ABCC8: variants seen among roughly 807,000 people sequenced by gnomAD.
ABCC8 encodes ATP binding cassette subfamily C member 8, also known as ATP-binding cassette sub-family C member 8.
ABCC8 carries 137 observed loss-of-function variants against 188.0 expected under a neutral mutation model. The observed-to-expected ratio is 0.73, with a 90% confidence interval of 0.63 to 0.84. The LOEUF is 0.84. ABCC8 is among the 40% of genes least tolerant of loss of function. The pLI, the probability that ABCC8 is intolerant of heterozygous loss-of-function variation, is 0.00. For missense variants in ABCC8, 1,750 were observed against 2,072.7 expected, an observed-to-expected ratio of 0.84 and a Z score of 3.02; for synonymous variants, 797 against 846.5, an observed-to-expected ratio of 0.94 and a Z score of 1.01.
chr11:17,417,957 A>G (rs1193835610), intron 16 of ABCC8, among the ~76,000 whole-genome samples: 1 of 150,508 alleles, frequency 6.6e-6, no homozygotes, highest in African/African-American at 2.5e-5. Flanking sequence ...CTCATTCCCT[A>G]TGTTGCCCAG....
At chr11:17,434,679 TA>T (rs1177266536) in intron 10 of ABCC8, among the ~76,000 whole-genome samples, 1 of 152,230 alleles carries the variant, frequency 6.6e-6, no homozygotes, top group Non-Finnish European at 1.5e-5. Flanking sequence ...ATGGTTTTTT[TA>T]ATTTAATTTT....
chr11:17,410,225 T>G, intron 22 of ABCC8: 1 of 399,700 alleles, frequency 2.5e-6, no homozygotes. Context: ...AATCAGAAGG[T>G]GAGAAGTGAG....
intron 3 of ABCC8, 107 bp downstream of exon 3, chr11:17,469,994 C>G: frequency 6.9e-7 from 1 of 1,442,922 alleles, no homozygotes; most frequent in Non-Finnish European, 9.7e-7. Flanking sequence ...TTTTCTATTC[C>G]AAATCTCTAC....
intron 2 of ABCC8, among the ~76,000 whole-genome samples, chr11:17,473,773 C>T (rs1386154981): frequency 1.3e-5 from 2 of 152,212 alleles, no homozygotes; most frequent in African/African-American, 2.4e-5. Context: ...TCTAGATTCT[C>T]CCTGCCTCCA....
chr11:17,419,869 C>T (rs2133499525), intron 16 of ABCC8, among the ~76,000 whole-genome samples: 1 of 152,318 alleles, frequency 6.6e-6, no homozygotes, highest in Non-Finnish European at 1.5e-5. Context: ...GCTGTGAAAT[C>T]TGAGGCAAGC....
chr11:17,411,094 G>A (rs147176869), intron 21 of ABCC8, among the ~76,000 whole-genome samples: 15 of 152,294 alleles, frequency 9.8e-5, no homozygotes, highest in Non-Finnish European at 7.3e-5. Flanking sequence ...TCTGCCTTTT[G>A]TCTGCCTTGT....
chr11:17,476,236 A>G (rs1208685559), intron 1 of ABCC8, among the ~76,000 whole-genome samples: 2 of 152,206 alleles, frequency 1.3e-5, no homozygotes, highest in Non-Finnish European at 2.9e-5. Context: ...GCTGACAGGG[A>G]GGCTGCCTTG....
chr11:17,408,618 T>C (rs1954653771), intron 22 of ABCC8, 101 bp from the exon 23 acceptor site: 1 of 1,508,824 alleles, frequency 6.6e-7, no homozygotes, highest in East Asian at 2.3e-5. Flanking sequence ...ACACATCCCT[T>C]TCCTCACTAC....
At chr11:17,456,039 G>A (rs989058890) in intron 6 of ABCC8, among the ~76,000 whole-genome samples, 29 of 151,870 alleles carry the variant, frequency 1.9e-4, no homozygotes, top group African/African-American at 6.8e-4. Flanking sequence ...CCGAGAAGAG[G>A]GTCCTAGGAA....
chr11:17,414,334 C>A (rs1401350537), intron 19 of ABCC8, among the ~76,000 whole-genome samples, 178 bp downstream of exon 19: 1 of 152,174 alleles, frequency 6.6e-6, no homozygotes, highest in African/African-American at 2.4e-5. Context: ...TGCCCCAATG[C>A]TCAGGCACAC....
intron 2 of ABCC8, among the ~76,000 whole-genome samples, chr11:17,474,505 C>G (rs1054421057): frequency 2.0e-5 from 3 of 150,350 alleles, no homozygotes; most frequent in African/African-American, 7.3e-5. Context: ...AGCTGAGAAC[C>G]AAGGAAAGGT....
At chr11:17,417,161 T>A (rs1564909443) in intron 16 of ABCC8, 199 bp from the exon 17 acceptor site, 9 of 747,606 alleles carry the variant, frequency 1.2e-5, no homozygotes, top group Non-Finnish European at 1.5e-5. Context: ...ATGGGTACCC[T>A]CCAAATAGCA....
In ABCC8 at chr11:17,428,284, C is replaced by T. The variant is rs1376638095; in HGVS notation, c.2040+5G>A. 6.2e-7 allele frequency: 1 copy of T among 1,614,010 alleles called. No homozygotes were observed. The highest frequency in any genetic ancestry group is 1.3e-5 in the African/African-American group (1 of 74,940). The stretch of plus-strand genomic sequence containing the variant: ...GGTGGCCAGGCATGGGGCAGCAGGA[C>T]TCACCTGGACACAGCAGTTGTCAGC... On this transcript the variant is annotated splice_donor_5th_base_variant and intron_variant, in intron 14 of 38. Coordinates refer to ENST00000389817, the MANE Select transcript of ABCC8 (RefSeq NM_000352.6).
intron 1 of ABCC8, among the ~76,000 whole-genome samples, chr11:17,476,289 G>A (rs1457203203): frequency 6.6e-6 from 1 of 152,230 alleles, no homozygotes; most frequent in Non-Finnish European, 1.5e-5. Flanking sequence ...CACGGAGGGT[G>A]AGGCCCGACC....
intron 6 of ABCC8, among the ~76,000 whole-genome samples, chr11:17,453,767 C>T (rs577815077): frequency 6.6e-6 from 1 of 152,224 alleles, no homozygotes; most frequent in Non-Finnish European, 1.5e-5. Flanking sequence ...AACATGGCAC[C>T]GTAGAGCTCT....
intron 21 of ABCC8, among the ~76,000 whole-genome samples, chr11:17,410,870 A>G (rs1480322087): frequency 6.6e-6 from 1 of 152,138 alleles, no homozygotes; most frequent in African/African-American, 2.4e-5. Context: ...AACAGATCTA[A>G]TCACTTCACT....
At chr11:17,468,720 T>C (rs1848305074) in intron 3 of ABCC8, among the ~76,000 whole-genome samples, 1 of 152,172 alleles carries the variant, frequency 6.6e-6, no homozygotes, top group African/African-American at 2.4e-5. Context: ...TATTTACTGT[T>C]ATTATTTTTA....
chr11:17,408,816 C>T (rs921637723), intron 22 of ABCC8, among the ~76,000 whole-genome samples: 7 of 152,196 alleles, frequency 4.6e-5, no homozygotes, highest in Non-Finnish European at 7.3e-5. Context: ...CGGCAGCGGC[C>T]GTCATACACT....
chr11:17,472,528 C>T (rs77544629), intron 2 of ABCC8, among the ~76,000 whole-genome samples: 1,902 of 152,288 alleles, frequency 0.012, 45 homozygotes, highest in African/African-American at 0.044. Context: ...TTCCAGACAG[C>T]TCTGAAAACC....
Sources: gnomAD v4.1 joint callset for allele counts (sites outside exome capture counted in the v4.1 genomes callset) on GRCh38, gnomAD v4.1.1 for gene constraint, MANE v1.5 for transcripts, NCBI Gene and HGNC (gene_info 2026-07-23, HGNC 2026-07-21) for gene names.